Variants in EXO5 observed in about 807,000 individuals in gnomAD.
EXO5 encodes the protein exonuclease V.
EXO5 carries 11 observed loss-of-function variants against 17.8 expected under a neutral mutation model. That is an observed-to-expected ratio of 0.62 (90% CI 0.39 to 1.02). The LOEUF (loss-of-function observed/expected upper bound fraction) is 1.02. Ranked by LOEUF, EXO5 falls within the 50% of genes least tolerant of loss-of-function variation. EXO5 has a pLI of 0.00. For synonymous variants in EXO5, 147 were observed against 166.5 expected, an observed-to-expected ratio of 0.88 and a Z score of 0.90; for missense variants, 364 against 434.8, an observed-to-expected ratio of 0.84 and a Z score of 1.45.
At chr1:40,513,302 G>C (rs1054393367) in intron 3 of EXO5, among the ~76,000 whole-genome samples, 3 of 152,012 alleles carry the variant, frequency 2.0e-5, no homozygotes, top group African/African-American at 7.2e-5. Context: ...ATATTTATTT[G>C]TATCTATATA....
At position 40,515,548 on chromosome 1, in the gene EXO5, T is replaced by C. The variant is rs899044769; in HGVS notation, c.1004T>C (p.Val335Ala). The change falls in exon 4 of 4, where the codon GTT (valine) becomes GCT (alanine). Residue 335 changes from valine (V) to alanine (A), a missense_variant. Transcript: ENST00000415550. ...ATGGGCCACCGAGAGCCCCAGGGAG[T>C]TGACGTGGAGGAGGCTTGGAAGTGC... The part of the protein sequence containing the change: ...YWMGHREPQG[V>A]DVEEAWKCRT... 3 of 1,607,372 alleles carry C rather than the reference T, an allele frequency of 1.9e-6. No individual in the cohort carries two copies. The highest frequency in any genetic ancestry group is 1.7e-6 in the Non-Finnish European group (2 of 1,178,768).
chr1:40,515,012 C>A lies in EXO5; in HGVS notation c.468C>A (p.Thr156=), dbSNP rs1305468013. Residue 156 remains threonine (T), a synonymous_variant, in exon 4 of 4, where the codon ACC becomes ACA. Transcript: ENST00000415550. ...TGAACATACTTTTGCTGATTCCTAC[C>A]CTGCAGTCAGAAGGGCACATCAGAG... ...KFLNILLLIP[T]LQSEGHIREF... is the part of the protein sequence containing the mutation. 6 of 1,613,984 alleles carry A rather than the reference C, an allele frequency of 3.7e-6. No homozygotes were observed. Among genetic ancestry groups the A allele is most frequent in the Non-Finnish European group, 5.1e-6 (6 of 1,180,032 alleles).
At position 40,515,014 on chromosome 1, in the gene EXO5, T is replaced by G. The variant is rs1645855405; in HGVS notation, c.470T>G (p.Leu157Arg). The stretch of plus-strand genomic sequence containing the variant: ...AACATACTTTTGCTGATTCCTACCC[T>G]GCAGTCAGAAGGGCACATCAGAGAG... ...FLNILLLIPT[L>R]QSEGHIREFP... Residue 157 changes from leucine to arginine, a missense_variant, in exon 4 of 4, where the codon CTG (leucine) becomes CGG (arginine). Physicochemically the swap from Leu to Arg is moderately radical, Grantham distance 102. Transcript: ENST00000415550. 3 of 1,614,018 alleles carry G rather than the reference T, an allele frequency of 1.9e-6. No individual in the cohort carries two copies. The highest frequency in any genetic ancestry group is 2.7e-5 in the African/African-American group (2 of 74,900).
chr1:40,514,806 A>G lies in EXO5; in HGVS notation c.262A>G (p.Thr88Ala), dbSNP rs757512390. ...LKYLYVTDLA[T>A]QNWCELQTAY... ...ATATTTATATGTCACTGACCTGGCTACTCAGAACTGGTGTGAACTGCAAAC... is the reference window on the plus strand; with the variant it reads ...ATATTTATATGTCACTGACCTGGCTGCTCAGAACTGGTGTGAACTGCAAAC... The change falls in exon 4 of 4, where the codon ACT becomes GCT. Residue 88 changes from threonine (T) to alanine (A), a missense_variant. Thr to Ala is a moderately conservative substitution (Grantham distance 58). Coordinates refer to ENST00000415550, the MANE Select transcript of EXO5 (RefSeq NM_001346953.2). 3 of 1,614,152 alleles carry G rather than the reference A, an allele frequency of 1.9e-6. No homozygotes were observed. Among genetic ancestry groups the G allele is most frequent in the Non-Finnish European group, 8.5e-7 (1 of 1,180,010 alleles).
rs764726501 is a variant in EXO5 at position 40,514,897 on chromosome 1, C to T, written c.353C>T (p.Ala118Val). 9 of 1,613,946 alleles carry T rather than the reference C, an allele frequency of 5.6e-6. No homozygotes were observed. The highest frequency in any genetic ancestry group is 1.3e-5 in the African/African-American group (1 of 74,898). The change falls in exon 4 of 4, where the codon GCC (alanine) becomes GTC (valine). Residue 118 changes from alanine (A) to valine (V), a missense_variant. Physicochemically the swap from Ala to Val is moderately conservative, Grantham distance 64 (BLOSUM62 0). Coordinates refer to ENST00000415550, the MANE Select transcript of EXO5 (RefSeq NM_001346953.2). Reference protein sequence around the residue: ...PEKAAVLDTGASIHLARELEL... With the variant: ...PEKAAVLDTGVSIHLARELEL... Reference sequence around the variant, plus strand: ...AAGGCAGCTGTGTTGGACACTGGTGCCAGCATACACCTAGCTAGAGAACTA... The same window carrying T: ...AAGGCAGCTGTGTTGGACACTGGTGTCAGCATACACCTAGCTAGAGAACTA...
chr1:40,510,452 T>C (rs1398008546), intron 3 of EXO5, among the ~76,000 whole-genome samples: 1 of 152,234 alleles, frequency 6.6e-6, no homozygotes, highest in Non-Finnish European at 1.5e-5. Flanking sequence ...CCATCCCTAG[T>C]GTACTGTTTT....
chr1:40,512,464 A>G (rs969182805), intron 3 of EXO5, among the ~76,000 whole-genome samples: 5 of 152,266 alleles, frequency 3.3e-5, no homozygotes, highest in African/African-American at 1.2e-4. Flanking sequence ...TCTGTAATTT[A>G]CTTTAAAATA....
chr1:40,514,678 G>T lies in EXO5; in HGVS notation c.134G>T (p.Gly45Val), dbSNP rs746528535. ...TCAAAGGCTTTAGTTAACATGCCTG[G>T]CCCATCTTCTGAATCCCTTGGGAAG... ...QESKALVNMPGPSSESLGKDD... is the reference protein window; with the variant it reads ...QESKALVNMPVPSSESLGKDD... The change falls in exon 4 of 4, where the codon GGC (glycine) becomes GTC (valine). Residue 45 changes from glycine to valine, a missense_variant. By Grantham distance (109) the Gly-to-Val change is moderately radical. Transcript: ENST00000415550. 6.2e-7 allele frequency: 1 copy of T among 1,614,034 alleles called. No homozygotes were observed. The highest frequency in any genetic ancestry group is 1.3e-5 in the African/African-American group (1 of 74,908).
Position 40,514,706 on chromosome 1 carries a change from T to A in EXO5, c.162T>A (p.Asp54Glu), listed in dbSNP as rs201053995. The A allele has an allele frequency of 1.6e-4, 265 of 1,614,048 alleles. No individual in the cohort carries two copies. The highest frequency in any genetic ancestry group is 2.2e-4 in the Non-Finnish European group (259 of 1,180,032). The change falls in exon 4 of 4, where the codon GAT (aspartate) becomes GAA (glutamate). Residue 54 changes from aspartate (D) to glutamate (E), a missense_variant. Physicochemically the swap from Asp to Glu is conservative, Grantham distance 45 (BLOSUM62 2). Coordinates refer to ENST00000415550, the MANE Select transcript of EXO5 (RefSeq NM_001346953.2). ...PGPSSESLGK[D>E]DKPISLQNWK... ...CATCTTCTGAATCCCTTGGGAAGGA[T>A]GACAAACCCATAAGCTTACAAAACT... is the stretch of plus-strand genomic sequence containing the variant.
intron 3 of EXO5, among the ~76,000 whole-genome samples, chr1:40,514,254 T>G (rs1645835544): frequency 6.7e-6 from 1 of 149,938 alleles, no homozygotes; most frequent in Non-Finnish European, 1.5e-5. Context: ...CACTCCAGCC[T>G]GGGTGAAAGA....
intron 3 of EXO5, 183 bp from the exon 4 acceptor site, chr1:40,514,332 C>T (rs985252973): frequency 2.2e-4 from 109 of 498,300 alleles, no homozygotes; most frequent in African/African-American, 1.9e-3. Flanking sequence ...TATAAGGAGC[C>T]CTATAGCAAT....
chr1:40,515,158 TC>T lies in EXO5; in HGVS notation c.617del (p.Pro206LeufsTer28). On this transcript the variant is annotated frameshift_variant, in exon 4 of 4. Coordinates refer to ENST00000415550, the MANE Select transcript of EXO5 (RefSeq NM_001346953.2). LOFTEE classifies it high-confidence loss of function. ...AELKTRRRPM[L>X]PLEAQKKKDC... ...CTCAAGACACGCAGGCGCCCTATGC[TC>T]CCTCTGGAAGCTCAGAAGAAGAAAG... The T allele has an allele frequency of 1.2e-6, 2 of 1,613,956 alleles. No individual in the cohort carries two copies. The highest frequency in any genetic ancestry group is 2.7e-5 in the African/African-American group (2 of 74,964).
chr1:40,515,023 A>G lies in EXO5; in HGVS notation c.479A>G (p.Glu160Gly), dbSNP rs191759195. The G allele has an allele frequency of 3.0e-5, 48 of 1,614,148 alleles. No homozygotes were observed. The Admixed American group carries it at 5.7e-4, about 19-fold the overall frequency. The change falls in exon 4 of 4, where the codon GAA (glutamate) becomes GGA (glycine). Residue 160 changes from glutamate to glycine, a missense_variant. Physicochemically the swap from Glu to Gly is moderately conservative, Grantham distance 98 (BLOSUM62 -2). Transcript: ENST00000415550. ...ILLLIPTLQS[E>G]GHIREFPVFG... is the part of the protein sequence containing the mutation. ...TTGCTGATTCCTACCCTGCAGTCAGAAGGGCACATCAGAGAGTTTCCAGTG... is the reference window on the plus strand; with the variant it reads ...TTGCTGATTCCTACCCTGCAGTCAGGAGGGCACATCAGAGAGTTTCCAGTG...
At chr1:40,512,847 C>T (rs1247166287) in intron 3 of EXO5, among the ~76,000 whole-genome samples, 1 of 152,056 alleles carries the variant, frequency 6.6e-6, no homozygotes, top group Non-Finnish European at 1.5e-5. Context: ...AACTCCCGAC[C>T]CCAGGTGATC....
intron 3 of EXO5, among the ~76,000 whole-genome samples, chr1:40,512,096 C>T (rs961940252): frequency 4.6e-5 from 7 of 152,178 alleles, no homozygotes; most frequent in Non-Finnish European, 8.8e-5. Flanking sequence ...TCAGGATGGT[C>T]TCGATCTCCT....
At chr1:40,512,795 A>G (rs1645803846) in intron 3 of EXO5, among the ~76,000 whole-genome samples, 1 of 151,930 alleles carries the variant, frequency 6.6e-6, no homozygotes, top group Non-Finnish European at 1.5e-5. Flanking sequence ...TTTCACCATG[A>G]GGTGTATTTT....
rs1400040144 is a variant in EXO5 at position 40,512,924 on chromosome 1, C to A, written c.-30-1591C>A. 2.0e-5 allele frequency among the ~76,000 whole-genome samples: 3 copies of A among 152,102 alleles called. 1 individual carries two copies. Among genetic ancestry groups the A allele is most frequent in the Non-Finnish European group, 4.4e-5 (3 of 68,020 alleles). On this transcript the variant is annotated intron_variant, in intron 3 of 3. Coordinates refer to ENST00000415550, the MANE Select transcript of EXO5 (RefSeq NM_001346953.2). ...AGCCACTGTACCCGGCCTTGAAAAT[C>A]TTTATAGTAAAAAGTTGAAAGAAAA...
chr1:40,510,845 C>T (rs1489214859), intron 3 of EXO5, among the ~76,000 whole-genome samples: 1 of 152,174 alleles, frequency 6.6e-6, no homozygotes, highest in African/African-American at 2.4e-5. Flanking sequence ...ATTGGACAGC[C>T]AGGTCTAGAT....
At chr1:40,510,709 A>G (rs527486574) in intron 3 of EXO5, among the ~76,000 whole-genome samples, 2 of 152,246 alleles carry the variant, frequency 1.3e-5, no homozygotes, top group South Asian at 2.1e-4. Flanking sequence ...CCTTATCTGT[A>G]TCCACCAGCC....
Sources: gnomAD v4.1 joint callset for allele counts (sites outside exome capture counted in the v4.1 genomes callset) on GRCh38, gnomAD v4.1.1 for gene constraint, MANE v1.5 for transcripts, NCBI Gene and HGNC (gene_info 2026-07-23, HGNC 2026-07-21) for gene names.